The following CTTNBP2 variants were observed in gnomAD, a reference collection of about 807,000 sequenced individuals.
CTTNBP2 encodes cortactin binding protein 2, also known as cortactin-binding protein 2.
A neutral mutation model predicts 156.9 loss-of-function variants in CTTNBP2; 108 were observed. That is an observed-to-expected ratio of 0.69 (90% CI 0.59 to 0.81). The LOEUF is 0.81. CTTNBP2 is among the 30% of genes least tolerant of loss of function. The pLI is 0.00. For synonymous variants in CTTNBP2, 767 were observed against 751.8 expected, an observed-to-expected ratio of 1.02 and a Z score of -0.33; for missense variants, 1,924 against 2,035.4, an observed-to-expected ratio of 0.95 and a Z score of 1.05.
At chr7:117,766,894 G>A (rs1325167442) in intron 9 of CTTNBP2, among the ~76,000 whole-genome samples, 165 bp downstream of exon 9, 3 of 152,090 alleles carry the variant, frequency 2.0e-5, no homozygotes, top group African/African-American at 4.8e-5. Flanking sequence ...CATTCTACAC[G>A]GAAAAATAGT....
chr7:117,723,148 A>C (rs1418129940), intron 19 of CTTNBP2, among the ~76,000 whole-genome samples: 1 of 145,562 alleles, frequency 6.9e-6, no homozygotes, highest in Non-Finnish European at 1.5e-5. Context: ...ACAGTATCTT[A>C]TTATCAATAT....
At chr7:117,773,680 CACACACACACACACACACACACACACA>C (rs1797920861) in intron 8 of CTTNBP2, among the ~76,000 whole-genome samples, 1 of 150,382 alleles carries the variant, frequency 6.6e-6, no homozygotes, top group African/African-American at 2.5e-5. Flanking sequence ...CACACACACA[CACACACACACACACACACACACACACA>C]CCCCAAAAAA....
chr7:117,817,681 G>C (rs964182068), intron 2 of CTTNBP2, among the ~76,000 whole-genome samples: 1 of 151,674 alleles, frequency 6.6e-6, no homozygotes, highest in African/African-American at 2.4e-5. Flanking sequence ...AAAACATACT[G>C]ACAAGCTTAT....
In CTTNBP2 at chr7:117,784,309, A is replaced by G. The variant is rs1295879138; in HGVS notation, c.2214T>C (p.Asn738=). ...CAGAATGGCCATCTTCACAGGAGTA[A>G]TTAATGTCCAGTCCTTCTTCATTAA... is the stretch of plus-strand genomic sequence containing the variant. ...MLLNEEGLDI[N]YSCEDGHSAL... The change falls in exon 5 of 23, where the codon AAT becomes AAC. Residue 738 remains asparagine, a synonymous_variant. Coordinates refer to ENST00000160373, the MANE Select transcript of CTTNBP2 (RefSeq NM_033427.3). 6.2e-7 allele frequency: 1 copy of G among 1,613,840 alleles called. No homozygotes were observed. The highest frequency in any genetic ancestry group is 1.3e-5 in the African/African-American group (1 of 74,930).
chr7:117,711,324 G>C lies in CTTNBP2; in HGVS notation c.*213C>G, dbSNP rs1319742426. ...CTTGAAAAGTTGGCATAACTTCCTGGTATTGAAGTTCAATCCTACAGAATT... is the reference window on the plus strand; with the variant it reads ...CTTGAAAAGTTGGCATAACTTCCTGCTATTGAAGTTCAATCCTACAGAATT... On this transcript the variant is annotated 3_prime_UTR_variant, in exon 23 of 23. Transcript: ENST00000160373. The C allele has an allele frequency of 6.2e-6, 3 of 481,864 alleles. No individual in the cohort carries two copies. The highest frequency in any genetic ancestry group is 1.1e-5 in the Non-Finnish European group (3 of 277,372). 29.8% of individuals were successfully genotyped at this position (481,864 alleles called of 1,614,324 possible). A position where few individuals can be genotyped will look rare whatever the true frequency, so the allele number is the denominator to read the frequency against.
At chr7:117,749,515 C>T (rs1275076137) in intron 12 of CTTNBP2, among the ~76,000 whole-genome samples, 1 of 152,168 alleles carries the variant, frequency 6.6e-6, no homozygotes, top group Non-Finnish European at 1.5e-5. Flanking sequence ...AAAGAGAATC[C>T]ACCACCTGGG....
At chr7:117,829,953 C>A (rs1801502791) in intron 2 of CTTNBP2, among the ~76,000 whole-genome samples, 1 of 152,190 alleles carries the variant, frequency 6.6e-6, no homozygotes. Flanking sequence ...CACATGGATT[C>A]TTGCAGCTGT....
intron 3 of CTTNBP2, among the ~76,000 whole-genome samples, chr7:117,795,213 A>G (rs1456989669): frequency 2.0e-5 from 3 of 152,190 alleles, no homozygotes; most frequent in East Asian, 3.9e-4. Flanking sequence ...TTATATGTAT[A>G]TCTTATTCAC....
chr7:117,717,959 G>T, intron 22 of CTTNBP2, 59 bp downstream of exon 22: 1 of 1,037,918 alleles, frequency 9.6e-7, no homozygotes, highest in Non-Finnish European at 1.5e-6. Flanking sequence ...AAGATGATTT[G>T]TGAAGTCAAT....
intron 1 of CTTNBP2, chr7:117,871,842 C>G: frequency 3.0e-6 from 1 of 328,684 alleles, no homozygotes; most frequent in Non-Finnish European, 3.4e-6. Context: ...CGTCCTTCCC[C>G]TTCACACACA....
At chr7:117,795,912 A>G (rs1479336152) in intron 3 of CTTNBP2, among the ~76,000 whole-genome samples, 2 of 152,148 alleles carry the variant, frequency 1.3e-5, no homozygotes, top group East Asian at 1.9e-4. Context: ...ACTCCCAATC[A>G]TCAATCACTC....
intron 1 of CTTNBP2, among the ~76,000 whole-genome samples, chr7:117,866,219 C>T (rs561835068): frequency 6.6e-6 from 1 of 152,180 alleles, no homozygotes; most frequent in East Asian, 1.9e-4. Context: ...AAGTTTCCCC[C>T]TCCCCAAATC....
chr7:117,750,196 A>G (rs1437787234), intron 12 of CTTNBP2, among the ~76,000 whole-genome samples: 1 of 152,174 alleles, frequency 6.6e-6, no homozygotes, highest in Admixed American at 6.5e-5. Flanking sequence ...CATTATGGCC[A>G]TCCTGTCAAA....
intron 2 of CTTNBP2, among the ~76,000 whole-genome samples, chr7:117,818,830 T>C (rs1382416572): frequency 6.6e-6 from 1 of 152,188 alleles, no homozygotes; most frequent in Non-Finnish European, 1.5e-5. Flanking sequence ...ATTTACATGA[T>C]TCCCAAGGAA....
In CTTNBP2 at chr7:117,766,945, G is replaced by T. The variant is rs1011940262; in HGVS notation, c.2896+114C>A. ...CAGTCAGTATTTTTGCCATAGCTAG[G>T]GCTCCAAAAAGGTTAAAAAGGACAT... On this transcript the variant is annotated intron_variant, in intron 9 of 22. Transcript: ENST00000160373. 29 of 684,704 alleles carry T rather than the reference G, an allele frequency of 4.2e-5. No homozygotes were observed. The African/African-American group carries it at 4.7e-4, about 11-fold the overall frequency. The allele number at this position is 684,704 out of a possible 1,614,324, so 42.4% of individuals were successfully genotyped here.
chr7:117,811,475 G>T (rs775341664), intron 2 of CTTNBP2, among the ~76,000 whole-genome samples: 3 of 151,846 alleles, frequency 2.0e-5, no homozygotes, highest in Non-Finnish European at 4.4e-5. Context: ...TAATTTTTTT[G>T]ATTTTTTAAT....
At chr7:117,729,408 CAT>C (rs1026850720) in intron 16 of CTTNBP2, among the ~76,000 whole-genome samples, 9 of 152,296 alleles carry the variant, frequency 5.9e-5, no homozygotes, top group South Asian at 4.1e-4. Context: ...CTAGTAACCA[CAT>C]GTTTTTATTT....
chr7:117,786,127 T>C (rs183461182), intron 4 of CTTNBP2, among the ~76,000 whole-genome samples: 3 of 152,176 alleles, frequency 2.0e-5, no homozygotes, highest in African/African-American at 4.8e-5. Flanking sequence ...ATTTAAAAAA[T>C]TCTTTATTAA....
intron 19 of CTTNBP2, 42 bp downstream of exon 19, chr7:117,724,505 G>A: frequency 6.5e-7 from 1 of 1,535,314 alleles, no homozygotes; most frequent in Non-Finnish European, 8.8e-7. Flanking sequence ...GATCACGTAT[G>A]TCCACCTCCT....
Sources: allele counts gnomAD v4.1 joint callset (sites outside exome capture counted in the v4.1 genomes callset), GRCh38; gene constraint gnomAD v4.1.1; transcripts MANE v1.5; gene names NCBI Gene and HGNC (gene_info 2026-07-23, HGNC 2026-07-21).